NKAIN2: variants seen among roughly 807,000 people sequenced by gnomAD.
NKAIN2 encodes sodium/potassium-transporting ATPase subunit beta-1-interacting protein 2.
In NKAIN2, 14 loss-of-function variants were observed where a neutral mutation model predicts 32.6. The observed-to-expected ratio is 0.43, with a 90% CI of 0.28 to 0.67. NKAIN2 has a LOEUF of 0.67. Among genes scored for constraint, NKAIN2 ranks in the 30% least tolerant of loss-of-function variants. The pLI is 0.17. For missense variants in NKAIN2, 198 were observed against 258.3 expected, an observed-to-expected ratio of 0.77 and a Z score of 1.60; for synonymous variants, 80 against 87.2, an observed-to-expected ratio of 0.92 and a Z score of 0.46.
chr6:124,182,738 G>A (rs191934696), intron 1 of NKAIN2, among the ~76,000 whole-genome samples: 2 of 152,244 alleles, frequency 1.3e-5, no homozygotes, highest in East Asian at 3.9e-4. Context: ...TAATTAAGGT[G>A]TCAGATGGTA....
chr6:123,938,892 T>A (rs1776687542), intron 1 of NKAIN2, among the ~76,000 whole-genome samples: 2 of 151,832 alleles, frequency 1.3e-5, no homozygotes, highest in South Asian at 4.1e-4. Context: ...CAACAGTCAT[T>A]AATCTTGCCT....
At chr6:124,343,747 G>A (rs1332540454) in intron 2 of NKAIN2, among the ~76,000 whole-genome samples, 1 of 150,230 alleles carries the variant, frequency 6.7e-6, no homozygotes, top group Non-Finnish European at 1.5e-5. Context: ...TGTCAGAAGA[G>A]TAGTTTGCAA....
At chr6:124,628,167 CCTT>C (rs1393259684) in intron 3 of NKAIN2, among the ~76,000 whole-genome samples, 1 of 152,174 alleles carries the variant, frequency 6.6e-6, no homozygotes, top group East Asian at 1.9e-4. Context: ...TCTTACATCT[CCTT>C]CTACTTAAAT....
intron 1 of NKAIN2, among the ~76,000 whole-genome samples, chr6:124,108,515 C>A (rs920782838): frequency 6.6e-6 from 1 of 152,008 alleles, no homozygotes; most frequent in East Asian, 1.9e-4. Context: ...TGATTATTTC[C>A]TCTGTTCTGC....
At chr6:124,358,739 G>A (rs1056394850) in intron 3 of NKAIN2, among the ~76,000 whole-genome samples, 15 of 151,656 alleles carry the variant, frequency 9.9e-5, no homozygotes, top group Non-Finnish European at 1.6e-4. Context: ...TCACTCTGAT[G>A]GTAGTTTCTT....
chr6:124,032,267 G>T (rs532483268), intron 1 of NKAIN2, among the ~76,000 whole-genome samples: 10 of 119,558 alleles, frequency 8.4e-5, no homozygotes, highest in East Asian at 3.0e-4. Context: ...GTCGTGGGGT[G>T]GGGGGAGGGG....
At chr6:124,791,726 TTC>T (rs1432412973) in intron 5 of NKAIN2, among the ~76,000 whole-genome samples, 1 of 152,132 alleles carries the variant, frequency 6.6e-6, no homozygotes, top group Non-Finnish European at 1.5e-5. Context: ...AACTTGACCA[TTC>T]TCTTTTTTAT....
At chr6:124,779,346 AGG>A (rs1779153297) in intron 4 of NKAIN2, among the ~76,000 whole-genome samples, 1 of 148,408 alleles carries the variant, frequency 6.7e-6, no homozygotes, top group Non-Finnish European at 1.5e-5. Flanking sequence ...GAAGGAAGGA[AGG>A]AAGGAAGGAA....
chr6:123,843,476 G>A (rs1436649377), intron 1 of NKAIN2, among the ~76,000 whole-genome samples: 1 of 152,086 alleles, frequency 6.6e-6, no homozygotes, highest in Non-Finnish European at 1.5e-5. Flanking sequence ...CTTTGCCAGG[G>A]GAGCTTGGGG....
chr6:124,476,462 C>G (rs1777221259), intron 3 of NKAIN2, among the ~76,000 whole-genome samples: 1 of 147,888 alleles, frequency 6.8e-6, no homozygotes, highest in African/African-American at 2.5e-5. Context: ...AAAAAATATA[C>G]TTTTCCAATT....
chr6:124,788,921 G>T (rs1296475288), intron 4 of NKAIN2, among the ~76,000 whole-genome samples: 1 of 152,016 alleles, frequency 6.6e-6, no homozygotes, highest in African/African-American at 2.4e-5. Context: ...TATGAATCTT[G>T]GTTAATTTGG....
chr6:124,530,751 C>T (rs947765240), intron 3 of NKAIN2, among the ~76,000 whole-genome samples: 14 of 152,076 alleles, frequency 9.2e-5, no homozygotes, highest in African/African-American at 2.4e-4. Context: ...AGTTTAACAC[C>T]GAAGTCTGAG....
At chr6:124,103,368 G>GA (rs1233141837) in intron 1 of NKAIN2, among the ~76,000 whole-genome samples, 9 of 152,206 alleles carry the variant, frequency 5.9e-5, no homozygotes, top group African/African-American at 1.9e-4. Flanking sequence ...AAATTTTCTA[G>GA]AAAACCAATG....
chr6:123,920,249 A>G (rs1217080096), intron 1 of NKAIN2, among the ~76,000 whole-genome samples: 1 of 152,166 alleles, frequency 6.6e-6, no homozygotes, highest in African/African-American at 2.4e-5. Flanking sequence ...CAACGCTGGC[A>G]AAATAAGCAC....
chr6:124,331,397 C>G (rs951727032), intron 2 of NKAIN2, among the ~76,000 whole-genome samples: 2 of 124,818 alleles, frequency 1.6e-5, no homozygotes, highest in African/African-American at 6.2e-5. Context: ...GGCGTGGTGG[C>G]GGATGCCTGT....
intron 4 of NKAIN2, among the ~76,000 whole-genome samples, chr6:124,709,637 G>T (rs999209487): frequency 1.3e-5 from 2 of 149,940 alleles, no homozygotes; most frequent in African/African-American, 2.5e-5. Context: ...AGAGGTATTT[G>T]TAGTATTCTC....
intron 2 of NKAIN2, among the ~76,000 whole-genome samples, chr6:124,312,971 G>A (rs1046814879): frequency 3.3e-5 from 5 of 152,100 alleles, no homozygotes; most frequent in African/African-American, 4.8e-5. Context: ...GAAGATCAGA[G>A]AGGGATTCTG....
chr6:124,376,163 A>G (rs1049671963), intron 3 of NKAIN2, among the ~76,000 whole-genome samples: 3 of 152,068 alleles, frequency 2.0e-5, no homozygotes, highest in Non-Finnish European at 4.4e-5. Context: ...CAAATGCACA[A>G]CTCTAAAAAC....
At chr6:124,121,715 G>A (rs1785889840) in intron 1 of NKAIN2, 1 of 196,790 alleles carries the variant, frequency 5.1e-6, no homozygotes, top group East Asian at 1.3e-4. Flanking sequence ...GCAAGGGTTG[G>A]TAGATCTGGG....
Sources: allele counts gnomAD v4.1 joint callset (sites outside exome capture counted in the v4.1 genomes callset), GRCh38; gene constraint gnomAD v4.1.1; transcripts MANE v1.5; gene names NCBI Gene and HGNC (gene_info 2026-07-23, HGNC 2026-07-21).